COL21A1: variants seen among roughly 807,000 people sequenced by gnomAD.
The protein encoded by COL21A1 is collagen type XXI alpha 1 chain, also known as collagen alpha-1(XXI) chain.
COL21A1 carries 149 observed loss-of-function variants against 137.9 expected under a neutral mutation model. The ratio of observed to expected loss-of-function variants is 1.08; its 90% CI spans 0.95 to 1.24. The LOEUF is 1.24. Among genes scored for constraint, COL21A1 ranks in the 50% most tolerant of loss-of-function variants. The probability of loss-of-function intolerance (pLI) is 0.00; values close to 1 mark genes in which losing one functional copy is unlikely to be tolerated. For missense variants in COL21A1, 1,167 were observed against 1,158.4 expected (o/e 1.01, Z -0.11); for synonymous variants, 456 against 391.5 (o/e 1.16, Z -1.95).
At chr6:56,173,783 C>T (rs1777241729) in intron 3 of COL21A1, among the ~76,000 whole-genome samples, 1 of 152,002 alleles carries the variant, frequency 6.6e-6, no homozygotes, top group Non-Finnish European at 1.5e-5. Flanking sequence ...ATGATTAGAA[C>T]ATTCAAACAG....
chr6:56,121,702 G>A (rs985708046), intron 16 of COL21A1, among the ~76,000 whole-genome samples: 2 of 151,716 alleles, frequency 1.3e-5, no homozygotes, highest in African/African-American at 4.8e-5. Flanking sequence ...CTCTGGTGGA[G>A]ATGTTGATCA....
At chr6:56,068,436 A>T (rs190678338) in intron 22 of COL21A1, among the ~76,000 whole-genome samples, 42 of 151,714 alleles carry the variant, frequency 2.8e-4, no homozygotes, top group Non-Finnish European at 4.7e-4. Flanking sequence ...AAAAGCATAT[A>T]TTATTTATAT....
chr6:56,107,615 G>A (rs1771065691), intron 16 of COL21A1, among the ~76,000 whole-genome samples: 2 of 145,250 alleles, frequency 1.4e-5, no homozygotes, highest in Admixed American at 1.4e-4. Flanking sequence ...TGTTGGCAGT[G>A]TAAGCAATAT....
upstream of COL21A1, among the ~76,000 whole-genome samples, chr6:56,250,304 A>G (rs1179117963): frequency 6.6e-6 from 1 of 152,226 alleles, no homozygotes; most frequent in Non-Finnish European, 1.5e-5. Flanking sequence ...GACTGTATGG[A>G]TGGGTTTGAT....
intron 1 of COL21A1, among the ~76,000 whole-genome samples, chr6:56,320,154 A>G (rs994906746): frequency 1.3e-5 from 2 of 152,130 alleles, no homozygotes; most frequent in African/African-American, 4.8e-5. Context: ...ATATTACAAT[A>G]AATAGCAACT....
At chr6:56,378,773 G>A (rs1242564518) in intron 1 of COL21A1, among the ~76,000 whole-genome samples, 1 of 152,216 alleles carries the variant, frequency 6.6e-6, no homozygotes, top group Non-Finnish European at 1.5e-5. Context: ...CCTTGGGCAA[G>A]ACCCAGTGCT....
chr6:56,358,439 A>G (rs1342021839), intron 1 of COL21A1, among the ~76,000 whole-genome samples: 1 of 152,202 alleles, frequency 6.6e-6, no homozygotes, highest in Non-Finnish European at 1.5e-5. Flanking sequence ...CTGAATTTGA[A>G]TCTTCAAACG....
intron 1 of COL21A1, among the ~76,000 whole-genome samples, chr6:56,290,498 G>GGTTTTTTTTTTTTT (rs371058894): frequency 7.5e-6 from 1 of 132,956 alleles, no homozygotes. Context: ...TCACTTAGGA[G>GGTTTTTTTTTTTTT]ATTTTTTTTT....
At chr6:56,157,438 G>T (rs886737677) in intron 9 of COL21A1, among the ~76,000 whole-genome samples, 10 of 150,962 alleles carry the variant, frequency 6.6e-5, no homozygotes, top group Non-Finnish European at 1.3e-4. Context: ...AGCCTCTCGA[G>T]TTGCTGGGAC....
chr6:56,260,653 A>AAAGAGAGAGAG (rs1763238722), intron 1 of COL21A1, among the ~76,000 whole-genome samples: 1 of 42,538 alleles, frequency 2.4e-5, no homozygotes, highest in Non-Finnish European at 5.8e-5. Flanking sequence ...GGAAGGAAGG[A>AAAGAGAGAGAG]AGGAATGAAG....
chr6:56,302,411 G>T (rs1764321775), intron 1 of COL21A1, among the ~76,000 whole-genome samples: 1 of 151,868 alleles, frequency 6.6e-6, no homozygotes. Context: ...ACTTTTTAAT[G>T]ATCGCCATTC....
chr6:56,166,254 A>C (rs1187887115), intron 7 of COL21A1, among the ~76,000 whole-genome samples: 2 of 152,116 alleles, frequency 1.3e-5, no homozygotes, highest in African/African-American at 4.8e-5. Flanking sequence ...AAGTATAATA[A>C]TGTATTTCAC....
At chr6:56,291,645 C>G (rs985968775) in intron 1 of COL21A1, among the ~76,000 whole-genome samples, 7 of 152,212 alleles carry the variant, frequency 4.6e-5, no homozygotes, top group African/African-American at 1.7e-4. Flanking sequence ...CTGTAACTGG[C>G]ACAGCTACTG....
intron 1 of COL21A1, among the ~76,000 whole-genome samples, chr6:56,365,550 C>T (rs1485556444): frequency 1.3e-5 from 2 of 152,014 alleles, no homozygotes; most frequent in East Asian, 1.9e-4. Flanking sequence ...ATGTAAGCTG[C>T]CTCCCCTCCC....
intron 1 of COL21A1, among the ~76,000 whole-genome samples, chr6:56,321,523 T>C (rs1017316110): frequency 6.6e-6 from 1 of 152,202 alleles, no homozygotes; most frequent in Non-Finnish European, 1.5e-5. Flanking sequence ...ACTTGCTGTT[T>C]ATGTTTATTG....
At chr6:56,340,806 C>T (rs1412120142) in intron 1 of COL21A1, among the ~76,000 whole-genome samples, 1 of 152,134 alleles carries the variant, frequency 6.6e-6, no homozygotes, top group Non-Finnish European at 1.5e-5. Context: ...GGGTTGGATT[C>T]CAGTCTAAAA....
intron 1 of COL21A1, among the ~76,000 whole-genome samples, chr6:56,284,543 A>G (rs925282080): frequency 4.6e-5 from 7 of 152,032 alleles, no homozygotes; most frequent in Non-Finnish European, 8.8e-5. Flanking sequence ...TCCATCCCCA[A>G]TGTCATTATT....
intron 1 of COL21A1, among the ~76,000 whole-genome samples, chr6:56,195,880 A>G (rs1164257049): frequency 6.6e-6 from 1 of 152,190 alleles, no homozygotes; most frequent in African/African-American, 2.4e-5. Flanking sequence ...TCATTTTATG[A>G]GGCTGGCTTT....
In COL21A1 at chr6:56,333,074, GA is replaced by G. The variant is rs1398898567; in HGVS notation, c.-39+60896del. Among the ~76,000 whole-genome samples, 202 of 152,094 alleles carry G rather than the reference GA, an allele frequency of 1.3e-3. 3 individuals are homozygous for G. Among genetic ancestry groups the G allele is most frequent in the Non-Finnish European group, 2.2e-4 (15 of 67,964 alleles). ...GCTTCAGAAGCTCTTTCCACTCTGA[GA>G]TTAGAAAGTGCCATATTTTCTAATT... On this transcript the variant is annotated intron_variant, in intron 1 of 28. Coordinates refer to the COL21A1 transcript ENST00000370819.
Sources: gnomAD v4.1 joint callset for allele counts (sites outside exome capture counted in the v4.1 genomes callset) on GRCh38, gnomAD v4.1.1 for gene constraint, MANE v1.5 for transcripts, NCBI Gene and HGNC (gene_info 2026-07-23, HGNC 2026-07-21) for gene names.